The following PTPRT variants were observed in gnomAD, a reference collection of about 807,000 sequenced individuals.
PTPRT encodes receptor-type tyrosine-protein phosphatase T.
PTPRT carries 56 observed loss-of-function variants against 176.8 expected under a neutral mutation model. That is an observed-to-expected ratio of 0.32 (90% CI 0.26 to 0.40). PTPRT has a LOEUF of 0.40. Among genes scored for constraint, PTPRT ranks in the 10% least tolerant of loss-of-function variants. The pLI is 1.00. For missense variants in PTPRT, 1,540 were observed against 1,908.2 expected (o/e 0.81, Z 3.60); for synonymous variants, 783 against 739.0 (o/e 1.06, Z -0.96).
At chr20:42,625,661 GTC>G (rs2074276653) in intron 7 of PTPRT, among the ~76,000 whole-genome samples, 1 of 152,010 alleles carries the variant, frequency 6.6e-6, no homozygotes, top group Non-Finnish European at 1.5e-5. Context: ...GGGTGGGTGA[GTC>G]TATAATTCTC....
At chr20:42,052,116 G>A in the PTPRT span, among the ~76,000 whole-genome samples, 13 of 152,342 alleles carry the variant, frequency 8.5e-5, no homozygotes, top group East Asian at 7.7e-4. Context: ...TGTTGGGCAC[G>A]GAAGGACAAG....
chr20:42,073,572 G>A lies in PTPRT; in HGVS notation c.*7307C>T, dbSNP rs1239523041. ...TCACTCATGGCCCTGTTGGTCAGTG[G>A]GTCTGAGTTATGGCTGCTCTCATGA... is the stretch of plus-strand genomic sequence containing the variant. On this transcript the variant is annotated 3_prime_UTR_variant, in exon 31 of 31. Transcript: ENST00000373187. 1 of 218,978 alleles carries A rather than the reference G, an allele frequency of 4.6e-6. No individual in the cohort carries two copies. The allele number at this position is 218,978 out of a possible 1,614,324, so 13.6% of individuals were successfully genotyped here.
intron 5 of PTPRT, among the ~76,000 whole-genome samples, chr20:42,769,558 C>T (rs1473142812): frequency 6.6e-6 from 1 of 152,120 alleles, no homozygotes; most frequent in African/African-American, 2.4e-5. Context: ...TTTCAAACAG[C>T]TCGTTGTTCT....
rs142564480 is a variant in PTPRT, at chr20:42,923,943, C to G, written c.89-38011G>C. On this transcript the variant is annotated intron_variant, in intron 1 of 30. Transcript: ENST00000373187. ...CACTGCAGCCTTCACCTCCTGGGTTCAAACGATTCTCGTGCCTCAGCCTCC... is the reference window on the plus strand; with the variant it reads ...CACTGCAGCCTTCACCTCCTGGGTTGAAACGATTCTCGTGCCTCAGCCTCC... 8.8e-3 allele frequency among the ~76,000 whole-genome samples: 1,340 copies of G among 152,200 alleles called. 11 individuals are homozygous for G. The highest frequency in any genetic ancestry group is 0.015 in the Non-Finnish European group (1,005 of 68,026).
chr20:42,110,198 C>T, intron 23 of PTPRT, 135 bp downstream of exon 23: 1 of 763,980 alleles, frequency 1.3e-6, no homozygotes, highest in Non-Finnish European at 1.9e-6. Context: ...AGATGTATGC[C>T]ACCATGACCA....
intron 6 of PTPRT, among the ~76,000 whole-genome samples, chr20:42,721,384 G>T (rs1046670294): frequency 6.6e-6 from 1 of 152,210 alleles, no homozygotes; most frequent in African/African-American, 2.4e-5. Context: ...TGTGATGGGA[G>T]GATGTGGGTG....
intron 6 of PTPRT, among the ~76,000 whole-genome samples, chr20:42,738,624 A>G (rs1023171885): frequency 6.6e-6 from 1 of 152,158 alleles, no homozygotes; most frequent in Non-Finnish European, 1.5e-5. Context: ...GCCCTGATCC[A>G]TATGGCTGTT....
intron 7 of PTPRT, among the ~76,000 whole-genome samples, chr20:42,623,330 C>T (rs950360195): frequency 4.6e-5 from 7 of 152,210 alleles, no homozygotes; most frequent in African/African-American, 1.4e-4. Flanking sequence ...AGGCCAAAGT[C>T]CTTGCCCTGG....
At chr20:43,120,323 G>C (rs1284697535) in intron 1 of PTPRT, among the ~76,000 whole-genome samples, 2 of 151,468 alleles carry the variant, frequency 1.3e-5, no homozygotes, top group Non-Finnish European at 2.9e-5. Context: ...CCAGGCTGGA[G>C]TGCAGTGGCG....
At chr20:42,178,188 G>A (rs923489085) in intron 16 of PTPRT, among the ~76,000 whole-genome samples, 10 of 152,008 alleles carry the variant, frequency 6.6e-5, no homozygotes, top group African/African-American at 1.5e-4. Context: ...CACCCACCTC[G>A]GCCTCCCAAA....
chr20:42,343,741 T>C (rs1319010621), intron 11 of PTPRT, among the ~76,000 whole-genome samples: 2 of 152,192 alleles, frequency 1.3e-5, no homozygotes, highest in East Asian at 3.9e-4. Context: ...TGCCCTACAC[T>C]GGCCAGCACT....
At chr20:42,061,812 T>A in the PTPRT span, among the ~76,000 whole-genome samples, 3 of 152,244 alleles carry the variant, frequency 2.0e-5, no homozygotes, top group Non-Finnish European at 4.4e-5. Flanking sequence ...CCCAGGGCTA[T>A]GCTTCCCCAC....
intron 11 of PTPRT, among the ~76,000 whole-genome samples, chr20:42,334,102 A>G (rs1252275282): frequency 6.6e-6 from 1 of 152,222 alleles, no homozygotes; most frequent in East Asian, 1.9e-4. Flanking sequence ...TTAAAAGATC[A>G]AGAACCTGTG....
intron 6 of PTPRT, among the ~76,000 whole-genome samples, chr20:42,740,076 A>T (rs564377805): frequency 1.3e-5 from 2 of 152,306 alleles, no homozygotes; most frequent in African/African-American, 4.8e-5. Flanking sequence ...TGTCAGGGAT[A>T]GGCAGAATCC....
At chr20:42,988,126 C>T (rs767462076) in intron 1 of PTPRT, among the ~76,000 whole-genome samples, 16 of 152,170 alleles carry the variant, frequency 1.1e-4, no homozygotes, top group Admixed American at 2.0e-4. Context: ...GGATTTTGTG[C>T]CCCATCTTGG....
chr20:42,652,949 G>A (rs1244580691), intron 7 of PTPRT, among the ~76,000 whole-genome samples: 3 of 152,110 alleles, frequency 2.0e-5, no homozygotes, highest in Admixed American at 2.0e-4. Context: ...TAATAGCACT[G>A]ACAGCCTACA....
Position 42,426,231 on chromosome 20 carries a change from C to G in PTPRT, c.1560+21989G>C, listed in dbSNP as rs2059162559. On this transcript the variant is annotated intron_variant, in intron 9 of 30. Coordinates refer to ENST00000373187, the MANE Select transcript of PTPRT (RefSeq NM_007050.6). ...CTCACCACACTCCCCTATCCTGTACCCATATAAAACCCAAACCCCGGGCTC... is the reference window on the plus strand; with the variant it reads ...CTCACCACACTCCCCTATCCTGTACGCATATAAAACCCAAACCCCGGGCTC... 3.9e-5 allele frequency among the ~76,000 whole-genome samples: 6 copies of G among 152,072 alleles called. No individual in the cohort carries two copies. The South Asian group carries it at 1.3e-3, about 32-fold the overall frequency.
Position 42,710,375 on chromosome 20 carries a change from C to CA in PTPRT, c.860-32217_860-32216insT, listed in dbSNP as rs759570657. Among the ~76,000 whole-genome samples, 149 of 152,334 alleles carry CA rather than the reference C, an allele frequency of 9.8e-4. 1 individual carries two copies. Among genetic ancestry groups the CA allele is most frequent in the Non-Finnish European group, 1.7e-3 (118 of 68,028 alleles). On this transcript the variant is annotated intron_variant, in intron 6 of 30. Coordinates refer to ENST00000373187, the MANE Select transcript of PTPRT (RefSeq NM_007050.6). ...TGGTTTTAGGGGCCAGGCATGGGAC[C>CA]CTTCTGCCCTGCCCAGCCTCAGGAC... is the stretch of plus-strand genomic sequence containing the variant.
At chr20:42,146,301 T>C (rs569099049) in intron 17 of PTPRT, among the ~76,000 whole-genome samples, 176 of 152,296 alleles carry the variant, frequency 1.2e-3, no homozygotes, top group Non-Finnish European at 2.0e-3. Context: ...CCCTCTGTGA[T>C]AAAAGCCAAT....
Sources: allele counts gnomAD v4.1 joint callset (sites outside exome capture counted in the v4.1 genomes callset), GRCh38; gene constraint gnomAD v4.1.1; transcripts MANE v1.5; gene names NCBI Gene and HGNC (gene_info 2026-07-23, HGNC 2026-07-21).